The following KATNIP variants were observed in gnomAD, a reference collection of about 807,000 sequenced individuals.
KATNIP encodes the protein katanin-interacting protein.
KATNIP carries 126 observed loss-of-function variants against 174.0 expected under a neutral mutation model. The observed-to-expected ratio is 0.72, with a 90% CI of 0.63 to 0.84. The LOEUF is 0.84. Among genes scored for constraint, KATNIP ranks in the 40% least tolerant of loss-of-function variants. The pLI is 0.00. For missense variants in KATNIP, 1,958 were observed against 2,109.7 expected (o/e 0.93, Z 1.41); for synonymous variants, 810 against 835.7 (o/e 0.97, Z 0.53).
chr16:27,713,852 A>ATATC (rs1282191857), intron 13 of KATNIP, among the ~76,000 whole-genome samples: 1 of 73,918 alleles, frequency 1.4e-5, no homozygotes, highest in Non-Finnish European at 2.6e-5. Flanking sequence ...ATATATATAT[A>ATATC]TATATCTATC....
At chr16:27,752,812 C>G (rs2081569495) in intron 17 of KATNIP, among the ~76,000 whole-genome samples, 4 of 152,140 alleles carry the variant, frequency 2.6e-5, no homozygotes, top group Admixed American at 6.5e-5. Context: ...CCTTGGCCTC[C>G]CAAAGTGCTG....
At chr16:27,669,145 T>G (rs977638638) in intron 6 of KATNIP, 3 of 260,616 alleles carry the variant, frequency 1.2e-5, no homozygotes, top group African/African-American at 6.9e-5. Flanking sequence ...AAAAACTTCA[T>G]GTTTGATGGT....
At chr16:27,563,891 T>TG (rs2089984119) in intron 1 of KATNIP, among the ~76,000 whole-genome samples, 1 of 66,682 alleles carries the variant, frequency 1.5e-5, no homozygotes, top group African/African-American at 6.4e-5. Flanking sequence ...TCTAGTAAAT[T>TG]AAAAAAAAAA....
At chr16:27,651,211 G>A (rs761783038) in intron 6 of KATNIP, among the ~76,000 whole-genome samples, 12 of 152,306 alleles carry the variant, frequency 7.9e-5, no homozygotes, top group Non-Finnish European at 1.0e-4. Flanking sequence ...CACATACTCC[G>A]CATAGGCATG....
chr16:27,608,386 A>ACACCCAGCTAAT (rs2075781355), intron 2 of KATNIP, among the ~76,000 whole-genome samples: 1 of 138,732 alleles, frequency 7.2e-6, no homozygotes. Flanking sequence ...GCACGCCACC[A>ACACCCAGCTAAT]TGACTGGTGA....
chr16:27,678,133 C>G, intron 7 of KATNIP, 137 bp downstream of exon 7: 1 of 975,258 alleles, frequency 1.0e-6, no homozygotes, highest in Non-Finnish European at 1.5e-6. Flanking sequence ...TCAGTCAGGT[C>G]TCTGTTGATT....
intron 14 of KATNIP, among the ~76,000 whole-genome samples, chr16:27,722,588 C>T (rs1409152312): frequency 6.6e-6 from 1 of 152,146 alleles, no homozygotes; most frequent in East Asian, 1.9e-4. Flanking sequence ...GACATAGGGG[C>T]AAGAGTTGTA....
At chr16:27,642,713 C>G (rs934799937) in intron 5 of KATNIP, among the ~76,000 whole-genome samples, 1 of 152,088 alleles carries the variant, frequency 6.6e-6, no homozygotes, top group African/African-American at 2.4e-5. Flanking sequence ...TCTCTAATCC[C>G]AGTCCAAAGG....
intron 6 of KATNIP, among the ~76,000 whole-genome samples, chr16:27,661,084 G>A (rs553033083): frequency 1.3e-5 from 2 of 152,330 alleles, no homozygotes; most frequent in African/African-American, 4.8e-5. Context: ...TGATTACAGT[G>A]AGTGTTTTCC....
intron 7 of KATNIP, 186 bp from the exon 8 acceptor site, chr16:27,681,213 C>T (rs2078325892): frequency 1.5e-6 from 1 of 689,434 alleles, no homozygotes; most frequent in Non-Finnish European, 2.6e-6. Flanking sequence ...GTGCTGGGCA[C>T]ACCATGACTC....
intron 8 of KATNIP, among the ~76,000 whole-genome samples, chr16:27,683,088 A>C (rs1430803873): frequency 6.6e-6 from 1 of 152,216 alleles, no homozygotes; most frequent in Non-Finnish European, 1.5e-5. Flanking sequence ...TGTTATAAGC[A>C]ACAGAAAACA....
rs144491338 is a variant in KATNIP at position 27,666,578 on chromosome 16, C to T, written c.541-11151C>T. ...GATTACAGGTGTCCACCACCACACC[C>T]GGCTAATTTTTGTATTTTTAGTAGA... On this transcript the variant is annotated intron_variant, in intron 6 of 27. Transcript: ENST00000261588. Among the ~76,000 whole-genome samples the T allele has an allele frequency of 6.8e-4, 103 of 152,172 alleles. 1 individual carries two copies. Among genetic ancestry groups the T allele is most frequent in the African/African-American group, 2.3e-3 (97 of 41,538 alleles).
At chr16:27,741,917 A>G (rs2081123511) in intron 15 of KATNIP, among the ~76,000 whole-genome samples, 1 of 151,988 alleles carries the variant, frequency 6.6e-6, no homozygotes. Flanking sequence ...AAAATAATGA[A>G]TGCAAGGCCA....
Position 27,761,533 on chromosome 16 carries a change from C to T in KATNIP, c.3752C>T (p.Ser1251Phe). ...ATCCACCTGCACCAGATCTCTGCTT[C>T]CCCCAGAGACTTAAATGAGCTCCCC... ...LPIHLHQISA[S>F]PRDLNELPEY... Residue 1251 changes from serine to phenylalanine, a missense_variant, in exon 19 of 28, where the codon TCC (serine) becomes TTC (phenylalanine). This residue lies in a region of KATNIP where 1,557 missense variants were observed against 1,617.8 expected (regional missense o/e 0.96). Coordinates refer to ENST00000261588, the MANE Select transcript of KATNIP (RefSeq NM_015202.5). 1 of 1,614,024 alleles carries T rather than the reference C, an allele frequency of 6.2e-7. No homozygotes were observed. The highest frequency in any genetic ancestry group is 8.5e-7 in the Non-Finnish European group (1 of 1,179,948).
chr16:27,685,867 A>G (rs1181500935), intron 8 of KATNIP, among the ~76,000 whole-genome samples: 1 of 152,248 alleles, frequency 6.6e-6, no homozygotes, highest in African/African-American at 2.4e-5. Flanking sequence ...TAAAGGAAGT[A>G]AAAAGTGCAG....
At chr16:27,639,720 CCCT>C (rs2076738997) in intron 5 of KATNIP, among the ~76,000 whole-genome samples, 1 of 152,180 alleles carries the variant, frequency 6.6e-6, no homozygotes, top group Non-Finnish European at 1.5e-5. Context: ...GTGTTGGGGG[CCCT>C]GTCTCTTGTT....
At chr16:27,709,235 T>A in intron 13 of KATNIP, 1 of 285,898 alleles carries the variant, frequency 3.5e-6, no homozygotes, top group Non-Finnish European at 6.7e-6. Context: ...TGGGAGGATC[T>A]CCTGAGCCTA....
intron 6 of KATNIP, among the ~76,000 whole-genome samples, chr16:27,667,540 A>G (rs749828267): frequency 3.4e-4 from 52 of 152,046 alleles, no homozygotes; most frequent in Non-Finnish European, 6.0e-4. Flanking sequence ...AAAACTGCCA[A>G]CCAAATGAGA....
Position 27,571,143 on chromosome 16 carries a change from G to T in KATNIP, c.8-2758G>T, listed in dbSNP as rs547271545. Among the ~76,000 whole-genome samples the T allele has an allele frequency of 1.7e-4, 26 of 152,194 alleles. No individual in the cohort carries two copies. The South Asian group carries it at 4.1e-3, about 24-fold the overall frequency. On this transcript the variant is annotated intron_variant, in intron 1 of 27. Coordinates refer to ENST00000261588, the MANE Select transcript of KATNIP (RefSeq NM_015202.5). Reference sequence around the variant, plus strand: ...TGCCTCCGAGGTTCAGGTGAATCTTGTGCCTCTGCCTCTTGAGTAGCTGGA... The same window carrying T: ...TGCCTCCGAGGTTCAGGTGAATCTTTTGCCTCTGCCTCTTGAGTAGCTGGA...
Sources: allele counts gnomAD v4.1 joint callset (sites outside exome capture counted in the v4.1 genomes callset), GRCh38; gene constraint gnomAD v4.1.1; regional missense constraint gnomAD v4.1.1; transcripts MANE v1.5; gene names NCBI Gene and HGNC (gene_info 2026-07-23, HGNC 2026-07-21).